Variants in SOS1 observed in about 807,000 individuals in gnomAD.
SOS1 encodes SOS Ras/Rac guanine nucleotide exchange factor 1.
Under a neutral mutation model 157.6 loss-of-function variants are expected in SOS1, and 25 were observed. The ratio of observed to expected loss-of-function variants is 0.16; its 90% CI spans 0.12 to 0.22. The LOEUF is 0.22. SOS1 is among the 10% of genes least tolerant of loss of function. The pLI, the probability that SOS1 is intolerant of heterozygous loss-of-function variation, is 1.00. For synonymous variants in SOS1, 528 were observed against 534.0 expected (o/e 0.99, Z 0.16); for missense variants, 1,237 against 1,599.1 (o/e 0.77, Z 3.86).
Position 38,984,161 on chromosome 2 carries a change from T to C in SOS1, c.*1663A>G, listed in dbSNP as rs775078494. ...GTCTCTAATGGTGTGGTTAACAGAA[T>C]TGCTGAAATGTTGCTTCATTATTCA... On this transcript the variant is annotated 3_prime_UTR_variant, in exon 23 of 23. Coordinates refer to ENST00000402219, the MANE Select transcript of SOS1 (RefSeq NM_005633.4). 4 of 152,178 alleles carry C rather than the reference T, an allele frequency of 2.6e-5. No individual in the cohort carries two copies. Among genetic ancestry groups the C allele is most frequent in the Non-Finnish European group, 5.9e-5 (4 of 68,024 alleles). The allele number at this position is 152,178 out of a possible 1,614,324, so 9.4% of individuals were successfully genotyped here.
At chr2:39,075,192 G>A (rs954723903) in intron 1 of SOS1, among the ~76,000 whole-genome samples, 2 of 152,136 alleles carry the variant, frequency 1.3e-5, no homozygotes, top group African/African-American at 2.4e-5. Flanking sequence ...GACCTGGACC[G>A]AGGCACAAAC....
intron 1 of SOS1, among the ~76,000 whole-genome samples, chr2:39,109,147 C>T (rs931368287): frequency 6.6e-6 from 1 of 151,960 alleles, no homozygotes; most frequent in African/African-American, 2.4e-5. Context: ...TGCAGTAAGC[C>T]ATGATCGCAC....
intron 8 of SOS1, among the ~76,000 whole-genome samples, chr2:39,031,273 G>T (rs908468795): frequency 1.3e-5 from 2 of 152,150 alleles, no homozygotes; most frequent in African/African-American, 4.8e-5. Context: ...ACAAGAAAAA[G>T]AATAGGCAAT....
Position 39,120,557 on chromosome 2 carries a change from A to AAG in SOS1, c.-136_-135insCT. On this transcript the variant is annotated 5_prime_UTR_variant, in exon 1 of 23. Coordinates refer to ENST00000402219, the MANE Select transcript of SOS1 (RefSeq NM_005633.4). The stretch of plus-strand genomic sequence containing the variant: ...GCCCGGCCCCCTCCGGGCGCCGCGC[A>AAG]GCCGGGCTAGCCCTGGCGAGGGGGC... 1 of 1,014,110 alleles carries AAG rather than the reference A, an allele frequency of 9.9e-7. No homozygotes were observed. Among genetic ancestry groups the AAG allele is most frequent in the Non-Finnish European group, 1.2e-6 (1 of 840,984 alleles). The allele number at this position is 1,014,110 out of a possible 1,614,324, so 62.8% of individuals were successfully genotyped here. A position where few individuals can be genotyped will look rare whatever the true frequency, so the allele number is the denominator to read the frequency against.
chr2:39,097,991 A>G (rs7571608), intron 1 of SOS1, among the ~76,000 whole-genome samples: 13,364 of 152,264 alleles, frequency 0.088, 2,085 homozygotes, highest in African/African-American at 0.31. Flanking sequence ...GTTTATATCA[A>G]TACAGCAAAA....
chr2:39,116,861 AAAAC>A (rs1468445062), intron 1 of SOS1, among the ~76,000 whole-genome samples: 2 of 151,962 alleles, frequency 1.3e-5, no homozygotes, highest in Admixed American at 1.3e-4. Flanking sequence ...AAACAAAACA[AAAAC>A]AAACAAAAGA....
At chr2:39,046,202 T>C (rs1437182727) in intron 6 of SOS1, among the ~76,000 whole-genome samples, 4 of 152,106 alleles carry the variant, frequency 2.6e-5, no homozygotes, top group Non-Finnish European at 4.4e-5. Context: ...CTATAGTTCC[T>C]TTTTCCCTAT....
At chr2:39,063,893 C>T (rs1350845296) in intron 2 of SOS1, among the ~76,000 whole-genome samples, 1 of 151,850 alleles carries the variant, frequency 6.6e-6, no homozygotes, top group Non-Finnish European at 1.5e-5. Context: ...AGTGCAGTGG[C>T]GCGATCACAG....
intron 1 of SOS1, among the ~76,000 whole-genome samples, chr2:39,113,791 G>GT (rs1353241600): frequency 9.8e-5 from 15 of 152,310 alleles, no homozygotes; most frequent in Middle Eastern, 3.4e-3. Context: ...AAGGCTCTTA[G>GT]TAAGTTTTTG....
At chr2:38,991,242 T>C (rs528265772) in intron 20 of SOS1, among the ~76,000 whole-genome samples, 34 of 151,584 alleles carry the variant, frequency 2.2e-4, no homozygotes, top group African/African-American at 7.0e-4. Flanking sequence ...AAAAAAGATA[T>C]GATAGATAAC....
At chr2:39,034,811 T>C (rs1249804361) in intron 8 of SOS1, 1 of 457,504 alleles carries the variant, frequency 2.2e-6, no homozygotes, top group Non-Finnish European at 4.4e-6. Flanking sequence ...ACTGGCTCCC[T>C]TATCCTCACA....
Position 38,981,957 on chromosome 2 carries a change from A to AAATT in SOS1, c.*3863_*3866dup, listed in dbSNP as rs1192843866. The AAATT allele has an allele frequency of 6.6e-6, 1 of 152,120 alleles. No homozygotes were observed. The highest frequency in any genetic ancestry group is 2.4e-5 in the African/African-American group (1 of 41,418). The allele number at this position is 152,120 out of a possible 1,614,324, so 9.4% of individuals were successfully genotyped here. On this transcript the variant is annotated 3_prime_UTR_variant, in exon 23 of 23. Coordinates refer to ENST00000402219, the MANE Select transcript of SOS1 (RefSeq NM_005633.4). Reference sequence around the variant, plus strand: ...AAATGCTGACTTGATCTGAAGAAAAAAATTAGAGATGTTCTTAATTAAAGG... The same window carrying AAATT: ...AAATGCTGACTTGATCTGAAGAAAAAAATTAATTAGAGATGTTCTTAATTAAAGG...
intron 3 of SOS1, 124 bp downstream of exon 3, chr2:39,058,549 A>C: frequency 1.0e-6 from 1 of 999,060 alleles, no homozygotes; most frequent in Non-Finnish European, 1.5e-6. Context: ...TCTCTGGAAA[A>C]CTTAGAATGA....
At chr2:39,110,342 TC>T (rs1036739571) in intron 1 of SOS1, among the ~76,000 whole-genome samples, 2 of 152,046 alleles carry the variant, frequency 1.3e-5, no homozygotes, top group Middle Eastern at 3.2e-3. Flanking sequence ...AGATGCAATT[TC>T]CCCCCATCCT....
At chr2:39,035,594 T>G in intron 6 of SOS1, 94 bp from the exon 7 acceptor site, 1 of 885,836 alleles carries the variant, frequency 1.1e-6, no homozygotes, top group Non-Finnish European at 1.9e-6. Context: ...CACAATTATG[T>G]ATGTCTTTGA....
chr2:39,121,871 T>C (rs1673904978), upstream of SOS1, among the ~76,000 whole-genome samples: 1 of 152,250 alleles, frequency 6.6e-6, no homozygotes, highest in African/African-American at 2.4e-5. Context: ...AGGGGCACTT[T>C]GTGGCAGACA....
chr2:39,123,868 G>A (rs867107848), upstream of SOS1, among the ~76,000 whole-genome samples: 7 of 152,128 alleles, frequency 4.6e-5, no homozygotes, highest in South Asian at 4.1e-4. Context: ...CACTCACTCG[G>A]GCTAAGAGGT....
At chr2:39,113,797 T>G (rs944048977) in intron 1 of SOS1, among the ~76,000 whole-genome samples, 6 of 152,220 alleles carry the variant, frequency 3.9e-5, no homozygotes, top group Admixed American at 3.9e-4. Flanking sequence ...CTTAGTAAGT[T>G]TTTGTCATCT....
intron 6 of SOS1, among the ~76,000 whole-genome samples, chr2:39,049,442 G>A (rs544911809): frequency 6.6e-6 from 1 of 151,854 alleles, no homozygotes; most frequent in South Asian, 2.1e-4. Context: ...ACCTATTTTT[G>A]TTTCACAATA....
Sources: allele counts gnomAD v4.1 joint callset (sites outside exome capture counted in the v4.1 genomes callset), GRCh38; gene constraint gnomAD v4.1.1; transcripts MANE v1.5; gene names NCBI Gene and HGNC (gene_info 2026-07-23, HGNC 2026-07-21).